FAM53B: variants seen among roughly 807,000 people sequenced by gnomAD.
The protein encoded by FAM53B is protein FAM53B.
In FAM53B, 12 loss-of-function variants were observed where a neutral mutation model predicts 32.7. The observed-to-expected ratio is 0.37, with a 90% CI of 0.24 to 0.59. FAM53B has a LOEUF of 0.59. Ranked by LOEUF, FAM53B falls within the 20% of genes least tolerant of loss-of-function variation. The probability of loss-of-function intolerance (pLI) is 0.72; values close to 1 mark genes in which losing one functional copy is unlikely to be tolerated. For missense variants in FAM53B, 477 were observed against 577.7 expected, an observed-to-expected ratio of 0.83 and a Z score of 1.79; for synonymous variants, 234 against 228.7, an observed-to-expected ratio of 1.02 and a Z score of -0.21.
chr10:124,669,000 C>T (rs1310579658), intron 4 of FAM53B, among the ~76,000 whole-genome samples: 2 of 152,180 alleles, frequency 1.3e-5, no homozygotes, highest in Non-Finnish European at 2.9e-5. Flanking sequence ...CCAAGAGGCC[C>T]GAGAGCGGAG....
chr10:124,727,363 A>G (rs1305055257), intron 1 of FAM53B, among the ~76,000 whole-genome samples: 2 of 148,376 alleles, frequency 1.3e-5, no homozygotes, highest in Non-Finnish European at 1.5e-5. Flanking sequence ...TACAAAATGA[A>G]TCCCCAGGTC....
chr10:124,662,784 A>T (rs529807458), intron 4 of FAM53B, among the ~76,000 whole-genome samples: 1 of 152,340 alleles, frequency 6.6e-6, no homozygotes, highest in Non-Finnish European at 1.5e-5. Context: ...CGATCACACC[A>T]CAGTACTCCA....
intron 4 of FAM53B, among the ~76,000 whole-genome samples, chr10:124,672,945 C>A (rs1044318405): frequency 6.6e-6 from 1 of 152,184 alleles, no homozygotes; most frequent in Non-Finnish European, 1.5e-5. Flanking sequence ...GTGAGGGCTG[C>A]AGGTTAAATA....
At chr10:124,638,799 A>G (rs147724979) in intron 4 of FAM53B, among the ~76,000 whole-genome samples, 75 of 152,346 alleles carry the variant, frequency 4.9e-4, no homozygotes, top group Middle Eastern at 3.4e-3. Flanking sequence ...CAGCACGTCC[A>G]GCAGGGCAGC....
chr10:124,636,074 G>A (rs758736598), intron 4 of FAM53B, among the ~76,000 whole-genome samples: 7 of 152,152 alleles, frequency 4.6e-5, no homozygotes, highest in African/African-American at 1.2e-4. Context: ...TGTACTGTCC[G>A]AAAATGAAAT....
intron 3 of FAM53B, among the ~76,000 whole-genome samples, chr10:124,692,714 C>CAAAAAAAAAAAAAAAAAAAAAAAAAA (rs5788679): frequency 1.4e-5 from 1 of 69,058 alleles, no homozygotes; most frequent in African/African-American, 6.6e-5. Context: ...TACTCCATCT[C>CAAAAAAAAAAAAAAAAAAAAAAAAAA]AAAAAAAAAA....
intron 4 of FAM53B, among the ~76,000 whole-genome samples, chr10:124,661,151 C>G (rs1455197183): frequency 6.6e-6 from 1 of 151,884 alleles, no homozygotes; most frequent in African/African-American, 2.4e-5. Flanking sequence ...TGTCACCACT[C>G]CTGGAAGACA....
rs1269742526 is a variant in FAM53B, at chr10:124,651,712, T to C, written c.907-28108A>G. Among the ~76,000 whole-genome samples the C allele has an allele frequency of 6.6e-6, 1 of 151,838 alleles. No homozygotes were observed. The highest frequency in any genetic ancestry group is 1.5e-5 in the Non-Finnish European group (1 of 67,984). Reference sequence around the variant, plus strand: ...CCTGGGGCCTGCCTGCTCTGGAGGGTCAAGGTCAGCAGAGCCCCACAGATG... The same window carrying C: ...CCTGGGGCCTGCCTGCTCTGGAGGGCCAAGGTCAGCAGAGCCCCACAGATG... On this transcript the variant is annotated intron_variant, in intron 4 of 4. Transcript: ENST00000337318. The surrounding 1 kb of genome is among the most constrained non-coding windows in gnomAD (Gnocchi z 5.2).
At chr10:124,672,751 AG>A (rs1949714056) in intron 4 of FAM53B, among the ~76,000 whole-genome samples, 1 of 152,236 alleles carries the variant, frequency 6.6e-6, no homozygotes, top group Non-Finnish European at 1.5e-5. Context: ...GAGGGCTGAC[AG>A]GAAAGGGTAA....
chr10:124,731,383 G>T (rs1484776047), intron 1 of FAM53B, among the ~76,000 whole-genome samples: 2 of 152,142 alleles, frequency 1.3e-5, no homozygotes, highest in African/African-American at 4.8e-5. Flanking sequence ...GAAGTCAAAA[G>T]CCATCAAGTG....
chr10:124,659,843 G>A (rs1016004576), intron 4 of FAM53B, among the ~76,000 whole-genome samples: 2 of 152,328 alleles, frequency 1.3e-5, no homozygotes, highest in East Asian at 3.9e-4. Context: ...TCTCGCTCTT[G>A]TCACCCAGGC....
At chr10:124,706,128 C>T (rs1269118603) in intron 2 of FAM53B, among the ~76,000 whole-genome samples, 1 of 152,214 alleles carries the variant, frequency 6.6e-6, no homozygotes, top group African/African-American at 2.4e-5. Flanking sequence ...CGCTAGTCCA[C>T]CAAGTGGTCC....
chr10:124,719,622 G>A (rs1404019343), intron 1 of FAM53B, among the ~76,000 whole-genome samples: 2 of 152,144 alleles, frequency 1.3e-5, no homozygotes, highest in African/African-American at 4.8e-5. Flanking sequence ...CACCAGCTGC[G>A]GCTATAGCTG....
intron 1 of FAM53B, among the ~76,000 whole-genome samples, chr10:124,717,096 G>A (rs1950042527): frequency 6.6e-6 from 1 of 152,204 alleles, no homozygotes; most frequent in African/African-American, 2.4e-5. Context: ...TGTGGCCTAG[G>A]TGGATCAAGC....
chr10:124,639,132 A>G (rs1213988308), intron 4 of FAM53B, among the ~76,000 whole-genome samples: 3 of 152,202 alleles, frequency 2.0e-5, no homozygotes, highest in East Asian at 3.9e-4. Flanking sequence ...CTCTAACCCA[A>G]TGTGACACCT....
chr10:124,688,336 G>A (rs1015499169), intron 3 of FAM53B, among the ~76,000 whole-genome samples: 2 of 152,188 alleles, frequency 1.3e-5, no homozygotes, highest in Non-Finnish European at 2.9e-5. Context: ...TCTATGCTGC[G>A]CCTGTTGCTT....
At chr10:124,632,797 C>T (rs922528002) in intron 4 of FAM53B, among the ~76,000 whole-genome samples, 5 of 152,226 alleles carry the variant, frequency 3.3e-5, no homozygotes, top group Admixed American at 2.0e-4. Context: ...TGCACAGCTG[C>T]GTGATGTGCA....
intron 4 of FAM53B, among the ~76,000 whole-genome samples, chr10:124,656,486 C>T (rs1241072028): frequency 1.3e-5 from 2 of 152,222 alleles, no homozygotes; most frequent in African/African-American, 4.8e-5. Flanking sequence ...AATAGTAGGG[C>T]ACTGCTCCAT....
chr10:124,635,687 C>G (rs573865725), intron 4 of FAM53B, among the ~76,000 whole-genome samples: 2 of 152,226 alleles, frequency 1.3e-5, no homozygotes, highest in East Asian at 3.9e-4. Context: ...CCAAGCAATC[C>G]CAATGGGAAC....
Sources: allele counts gnomAD v4.1 joint callset (sites outside exome capture counted in the v4.1 genomes callset), GRCh38; gene constraint gnomAD v4.1.1; non-coding constraint Gnocchi (gnomAD v3.1); transcripts MANE v1.5; gene names NCBI Gene and HGNC (gene_info 2026-07-23, HGNC 2026-07-21).